The following CFAP43 variants were observed in gnomAD, a reference collection of about 807,000 sequenced individuals.
CFAP43 encodes cilia and flagella associated protein 43, also known as cilia- and flagella-associated protein 43.
Under a neutral mutation model 218.9 loss-of-function variants are expected in CFAP43, and 155 were observed. The ratio of observed to expected loss-of-function variants is 0.71; its 90% CI spans 0.62 to 0.81. CFAP43 has a LOEUF of 0.81. CFAP43 is among the 30% of genes least tolerant of loss of function. The pLI, the probability that CFAP43 is intolerant of heterozygous loss-of-function variation, is 0.00. For missense variants in CFAP43, 1,778 were observed against 1,954.3 expected (o/e 0.91, Z 1.70); for synonymous variants, 645 against 681.3 (o/e 0.95, Z 0.83).
intron 28 of CFAP43, among the ~76,000 whole-genome samples, chr10:104,151,649 C>A (rs537025874): frequency 1.3e-5 from 2 of 152,068 alleles, no homozygotes; most frequent in African/African-American, 4.8e-5. Context: ...TTGTCAGATG[C>A]AGAGTTTGCA....
In CFAP43 at chr10:104,158,596, A is replaced by T. The variant is rs370162288; in HGVS notation, c.3540+2441T>A. Among the ~76,000 whole-genome samples, 21 of 152,356 alleles carry T rather than the reference A, an allele frequency of 1.4e-4. No homozygotes were observed. The South Asian group carries it at 4.1e-3, about 30-fold the overall frequency. The stretch of plus-strand genomic sequence containing the variant: ...TTGTGGATTAAAGGAGACTAAAAGA[A>T]CATTACAAACTAAGTGAAATTGATT... On this transcript the variant is annotated intron_variant, in intron 27 of 37. Coordinates refer to ENST00000357060, the MANE Select transcript of CFAP43 (RefSeq NM_025145.7).
At chr10:104,141,347 C>T (rs1311352002) in intron 33 of CFAP43, among the ~76,000 whole-genome samples, 1 of 152,218 alleles carries the variant, frequency 6.6e-6, no homozygotes, top group East Asian at 1.9e-4. Context: ...CGCAGTGGCT[C>T]ATGCCTGTAA....
In CFAP43 at chr10:104,129,911, T is replaced by G; in HGVS notation, c.*228A>C. 2.3e-6 allele frequency: 1 copy of G among 425,660 alleles called. No individual in the cohort carries two copies. Among genetic ancestry groups the G allele is most frequent in the Non-Finnish European group, 4.1e-6 (1 of 246,756 alleles). The allele number at this position is 425,660 out of a possible 1,614,324, so 26.4% of individuals were successfully genotyped here. ...AATACTTTCTGACTTCAAGTCTTGT[T>G]TATTCTTGAATAAAAACAGCAATTC... On this transcript the variant is annotated 3_prime_UTR_variant, in exon 38 of 38. Coordinates refer to ENST00000357060, the MANE Select transcript of CFAP43 (RefSeq NM_025145.7).
intron 34 of CFAP43, among the ~76,000 whole-genome samples, chr10:104,138,424 C>T (rs916352882): frequency 3.9e-5 from 6 of 152,028 alleles, no homozygotes; most frequent in Non-Finnish European, 7.4e-5. Context: ...GCTTGTAATC[C>T]CAACACTTTG....
intron 36 of CFAP43, 87 bp from the exon 37 acceptor site, chr10:104,131,571 A>C: frequency 7.4e-7 from 1 of 1,355,582 alleles, no homozygotes; most frequent in Non-Finnish European, 9.9e-7. Context: ...TATATTTTAA[A>C]TACATTATCA....
chr10:104,194,829 G>T (rs1345670085), intron 10 of CFAP43, among the ~76,000 whole-genome samples: 1 of 152,100 alleles, frequency 6.6e-6, no homozygotes, highest in Admixed American at 6.6e-5. Context: ...GAAAACACAG[G>T]CCAAGGAAGT....
chr10:104,223,511 T>A (rs980454187), intron 3 of CFAP43, among the ~76,000 whole-genome samples: 5 of 152,238 alleles, frequency 3.3e-5, no homozygotes, highest in Non-Finnish European at 5.9e-5. Flanking sequence ...GCTAGTAATT[T>A]GTGGAGCCAG....
At chr10:104,213,872 T>C (rs1401377855) in intron 4 of CFAP43, among the ~76,000 whole-genome samples, 1 of 152,186 alleles carries the variant, frequency 6.6e-6, no homozygotes, top group Non-Finnish European at 1.5e-5. Context: ...TTTCTTATTT[T>C]TGAAATTCCA....
At chr10:104,199,747 C>T (rs986062726) in intron 8 of CFAP43, among the ~76,000 whole-genome samples, 1 of 152,172 alleles carries the variant, frequency 6.6e-6, no homozygotes, top group Admixed American at 6.5e-5. Flanking sequence ...ACAGGCAGGC[C>T]TCCATGACAA....
At chr10:104,226,933 G>A (rs1006488693) in intron 2 of CFAP43, among the ~76,000 whole-genome samples, 2 of 151,994 alleles carry the variant, frequency 1.3e-5, no homozygotes, top group African/African-American at 2.4e-5. Flanking sequence ...CAGGCGAATC[G>A]CTTGAACCTG....
chr10:104,173,954 A>G (rs2089514802), intron 19 of CFAP43, among the ~76,000 whole-genome samples: 1 of 152,246 alleles, frequency 6.6e-6, no homozygotes, highest in South Asian at 2.1e-4. Context: ...TGAGAAGGGT[A>G]TAATTTTACA....
At chr10:104,161,524 C>T (rs1184169211) in intron 26 of CFAP43, among the ~76,000 whole-genome samples, 1 of 152,170 alleles carries the variant, frequency 6.6e-6, no homozygotes, top group African/African-American at 2.4e-5. Context: ...TTCCTGCCTT[C>T]AATAGAGACC....
At position 104,230,639 on chromosome 10, in the gene CFAP43, G is replaced by A; in HGVS notation, c.270C>T (p.Leu90=). The A allele has an allele frequency of 6.2e-7, 1 of 1,614,160 alleles. No homozygotes were observed. The highest frequency in any genetic ancestry group is 8.5e-7 in the Non-Finnish European group (1 of 1,180,022). Residue 90 remains leucine (L), a synonymous_variant, in exon 2 of 38, where the codon CTC becomes CTT. Transcript: ENST00000357060. ...VAFSDRKLKP[L]IYVYSFPGLT... is the part of the protein sequence containing the mutation. Reference sequence around the variant, plus strand: ...ATCCTGGAAAGCTGTATACGTAGATGAGAGGTTTTAGCTTCCGGTCAGAAA... The same window carrying A: ...ATCCTGGAAAGCTGTATACGTAGATAAGAGGTTTTAGCTTCCGGTCAGAAA...
intron 5 of CFAP43, 47 bp downstream of exon 5, chr10:104,211,960 T>TA: frequency 6.3e-7 from 1 of 1,588,144 alleles, no homozygotes; most frequent in Non-Finnish European, 8.6e-7. Context: ...TCAGGCTTCC[T>TA]AGACCTCAAC....
At chr10:104,164,650 G>A (rs1416688878) in intron 23 of CFAP43, among the ~76,000 whole-genome samples, 1 of 152,028 alleles carries the variant, frequency 6.6e-6, no homozygotes, top group Non-Finnish European at 1.5e-5. Context: ...CACCTGCCTC[G>A]GCCTCCCAAA....
intron 27 of CFAP43, 151 bp from the exon 28 acceptor site, chr10:104,152,877 C>T: frequency 1.3e-6 from 1 of 754,814 alleles, no homozygotes; most frequent in Non-Finnish European, 2.0e-6. Flanking sequence ...AGAGATGCTC[C>T]CACTTGGATC....
Position 104,193,894 on chromosome 10 carries a change from G to A in CFAP43, c.1414C>T (p.Leu472Phe). The change falls in exon 11 of 38, where the codon CTC becomes TTC. Residue 472 changes from leucine (L) to phenylalanine (F), a missense_variant. Around this residue, in one of 3 missense-constraint regions of CFAP43, gnomAD observed 1,553 missense variants for 1,685.2 expected, o/e 0.92. Coordinates refer to ENST00000357060, the MANE Select transcript of CFAP43 (RefSeq NM_025145.7). Reference protein sequence around the residue: ...ESPQVVHKAFLSESSVQHVVY... With the variant: ...ESPQVVHKAFFSESSVQHVVY... Reference sequence around the variant, plus strand: ...ACGTGCTGCACGGACGATTCCGAGAGAAAGGCCTTGTGCACGACCTGAGGG... The same window carrying A: ...ACGTGCTGCACGGACGATTCCGAGAAAAAGGCCTTGTGCACGACCTGAGGG... The A allele has an allele frequency of 3.1e-6, 5 of 1,614,152 alleles. No homozygotes were observed. Among genetic ancestry groups the A allele is most frequent in the Non-Finnish European group, 4.2e-6 (5 of 1,180,014 alleles).
chr10:104,187,109 G>C (rs926738855), intron 14 of CFAP43, among the ~76,000 whole-genome samples: 4 of 152,194 alleles, frequency 2.6e-5, no homozygotes, highest in African/African-American at 9.7e-5. Context: ...GATGATGTAT[G>C]TGGCACAAGT....
At chr10:104,192,131 C>A in intron 12 of CFAP43, 68 bp downstream of exon 12, 2 of 1,205,396 alleles carry the variant, frequency 1.7e-6, no homozygotes, top group Non-Finnish European at 2.3e-6. Context: ...TATGAAAAGT[C>A]CATTTTCATA....
Sources: allele counts gnomAD v4.1 joint callset (sites outside exome capture counted in the v4.1 genomes callset), GRCh38; gene constraint gnomAD v4.1.1; regional missense constraint gnomAD v4.1.1; transcripts MANE v1.5; gene names NCBI Gene and HGNC (gene_info 2026-07-23, HGNC 2026-07-21).